The following TP53AIP1 variants were observed in gnomAD, a reference collection of about 807,000 sequenced individuals.
The protein encoded by TP53AIP1 is p53-regulated apoptosis-inducing protein 1.
TP53AIP1 carries 14 observed loss-of-function variants against 9.5 expected under a neutral mutation model. The ratio of observed to expected loss-of-function variants is 1.47; its 90% confidence interval spans 0.97 to 2.30. The LOEUF is 2.30. Among genes scored for constraint, TP53AIP1 ranks in the 30% most tolerant of loss-of-function variants. TP53AIP1 has a pLI of 0.00. For synonymous variants in TP53AIP1, 73 were observed against 61.2 expected, an observed-to-expected ratio of 1.19 and a Z score of -0.90; for missense variants, 153 against 146.7, an observed-to-expected ratio of 1.04 and a Z score of -0.22.
Position 128,937,481 on chromosome 11 carries a change from G to A in TP53AIP1, c.141+197C>T. The A allele has an allele frequency of 3.2e-6, 5 of 1,562,974 alleles. No individual in the cohort carries two copies. The highest frequency in any genetic ancestry group is 4.3e-6 in the Non-Finnish European group (5 of 1,150,676). On this transcript the variant is annotated intron_variant, in intron 2 of 3. Transcript: ENST00000531399. This position sits in a 1 kb window ranked among gnomAD's most constrained non-coding sequence, Gnocchi z 4.8. The stretch of plus-strand genomic sequence containing the variant: ...GGCTGGCCTTCCTCTTGGGACTATT[G>A]ATCAGGGCTGTCAGTTCCCAGCTCT...
Position 128,937,756 on chromosome 11 carries a change from C to T in TP53AIP1, c.63G>A (p.Arg21=), listed in dbSNP as rs749416440. 13 of 1,612,760 alleles carry T rather than the reference C, an allele frequency of 8.1e-6. No homozygotes were observed. The highest frequency in any genetic ancestry group is 1.1e-5 in the Non-Finnish European group (13 of 1,179,128). The change falls in exon 2 of 4, where the codon AGG becomes AGA. Residue 21 remains arginine, a synonymous_variant. Coordinates refer to ENST00000531399, the MANE Select transcript of TP53AIP1 (RefSeq NM_022112.3). The surrounding 1 kb of genome is among the most constrained non-coding windows in gnomAD (Gnocchi z 4.8). ...TCTGGTCTCCCCTGCCCAGGCCCTG[C>T]CTCCTGGCCCCACTGCAGGAAGCTT... ...SAQASCSGAR[R]QGLGRGDQNL... is the part of the protein sequence containing the mutation.
intron 1 of TP53AIP1, among the ~76,000 whole-genome samples, chr11:128,938,310 C>T (rs1343895490): frequency 6.6e-6 from 1 of 152,100 alleles, no homozygotes; most frequent in Admixed American, 6.5e-5. Context: ...CTCAGAGGCC[C>T]GGCCTTCTGT....
intron 1 of TP53AIP1, among the ~76,000 whole-genome samples, chr11:128,941,796 G>A (rs1186740051): frequency 6.6e-6 from 1 of 152,218 alleles, no homozygotes; most frequent in Non-Finnish European, 1.5e-5. Flanking sequence ...CCAGTGGAAA[G>A]CCCACGGCTG....
chr11:128,936,683 G>A, intron 2 of TP53AIP1, 34 bp from the exon 3 acceptor site: 1 of 1,547,922 alleles, frequency 6.5e-7, no homozygotes, highest in Non-Finnish European at 8.7e-7. Flanking sequence ...GTGAGGCCCT[G>A]CAGCGCCGTC....
intron 1 of TP53AIP1, among the ~76,000 whole-genome samples, chr11:128,942,461 A>G (rs1360975222): frequency 6.6e-6 from 1 of 152,214 alleles, no homozygotes; most frequent in Admixed American, 6.5e-5. Flanking sequence ...AGTGTGGCTC[A>G]GGACGCACAG....
At position 128,935,475 on chromosome 11, in the gene TP53AIP1, G is replaced by A. The variant is rs543221142; in HGVS notation, c.*116C>T. Reference sequence around the variant, plus strand: ...GGTCAAGGGGGGAAATGAGGTGGCCGCTAGTCAGCGCTGGAGCCATTTCTC... The same window carrying A: ...GGTCAAGGGGGGAAATGAGGTGGCCACTAGTCAGCGCTGGAGCCATTTCTC... On this transcript the variant is annotated 3_prime_UTR_variant, in exon 4 of 4. Transcript: ENST00000531399. 133 of 1,444,286 alleles carry A rather than the reference G, an allele frequency of 9.2e-5. No homozygotes were observed. In the South Asian group the frequency reaches 9.4e-4, roughly 10 times the overall value. 89.5% of individuals were successfully genotyped at this position (1,444,286 alleles called of 1,614,324 possible).
Position 128,937,685 on chromosome 11 carries a change from GGT to G in TP53AIP1, c.132_133del (p.Pro45TrpfsTer57). 1 of 1,614,200 alleles carries G rather than the reference GGT, an allele frequency of 6.2e-7. No individual in the cohort carries two copies. Among genetic ancestry groups the G allele is most frequent in the Non-Finnish European group, 8.5e-7 (1 of 1,180,040 alleles). ...TTCACTGCAGGGACTTACCCAGCCAGGTGTGTGTGTCTGAGCCCTGCCATTCG... is the reference window on the plus strand; with the variant it reads ...TTCACTGCAGGGACTTACCCAGCCAGGTGTGTGTCTGAGCCCTGCCATTCG... On this transcript the variant is annotated frameshift_variant, in exon 2 of 4. Coordinates refer to ENST00000531399, the MANE Select transcript of TP53AIP1 (RefSeq NM_022112.3). LOFTEE classifies it high-confidence loss of function. The surrounding 1 kb of genome is among the most constrained non-coding windows in gnomAD (Gnocchi z 4.8).
chr11:128,937,967 T>G lies in TP53AIP1; in HGVS notation c.-76-73A>C, dbSNP rs565461039. On this transcript the variant is annotated intron_variant, in intron 1 of 3. Coordinates refer to ENST00000531399, the MANE Select transcript of TP53AIP1 (RefSeq NM_022112.3). The surrounding 1 kb of genome is among the most constrained non-coding windows in gnomAD (Gnocchi z 4.8). ...CTGGGCCAGCAATGATGATTTCTAC[T>G]GTTAGGGTTTCAGTTGTACTTGGAT... The G allele has an allele frequency of 4.5e-6, 4 of 880,606 alleles. No homozygotes were observed. The African/African-American group carries it at 6.8e-5, about 15-fold the overall frequency. 54.5% of individuals were successfully genotyped at this position (880,606 alleles called of 1,614,324 possible).
Position 128,938,000 on chromosome 11 carries a change from G to C in TP53AIP1, c.-76-106C>G, listed in dbSNP as rs1944867188. 1 of 713,050 alleles carries C rather than the reference G, an allele frequency of 1.4e-6. No homozygotes were observed. The allele number at this position is 713,050 out of a possible 1,614,324, so 44.2% of individuals were successfully genotyped here. On this transcript the variant is annotated intron_variant, in intron 1 of 3. Coordinates refer to ENST00000531399, the MANE Select transcript of TP53AIP1 (RefSeq NM_022112.3). The surrounding 1 kb of genome is among the most constrained non-coding windows in gnomAD (Gnocchi z 4.8). ...TTTCAGTTGTACTTGGATCTGGGAG[G>C]GGGAAGCCGATGCACCCAGAGACCC...
Position 128,939,281 on chromosome 11 carries a change from A to G in TP53AIP1, c.-76-1387T>C, listed in dbSNP as rs1212657302. Among the ~76,000 whole-genome samples the G allele has an allele frequency of 6.6e-6, 1 of 152,048 alleles. No homozygotes were observed. The highest frequency in any genetic ancestry group is 6.5e-5 in the Admixed American group (1 of 15,272). ...GAGACCACAGGCCCTGGACTCCCAA[A>G]TCCCAGCAGCAATGCAAAGCCACCC... On this transcript the variant is annotated intron_variant, in intron 1 of 3. Transcript: ENST00000531399. The surrounding 1 kb of genome is among the most constrained non-coding windows in gnomAD (Gnocchi z 4.1).
chr11:128,934,758 G>A (rs931818103), downstream of TP53AIP1: 1 of 451,332 alleles, frequency 2.2e-6, no homozygotes, highest in Non-Finnish European at 4.0e-6. Context: ...TATTTGGAAG[G>A]TGAACCTAGA....
intron 3 of TP53AIP1, chr11:128,936,330 C>T (rs1944822904): frequency 2.2e-6 from 3 of 1,369,394 alleles, no homozygotes; most frequent in Non-Finnish European, 2.8e-6. Context: ...TGTACCGTTA[C>T]CTTTTATTTT....
intron 1 of TP53AIP1, among the ~76,000 whole-genome samples, chr11:128,940,081 T>C (rs958862295): frequency 2.0e-5 from 3 of 152,194 alleles, no homozygotes; most frequent in Non-Finnish European, 4.4e-5. Flanking sequence ...CCTGGGCAGC[T>C]ACCCTCAAAC....
chr11:128,936,846 G>A, intron 2 of TP53AIP1, 197 bp from the exon 3 acceptor site: 1 of 1,407,948 alleles, frequency 7.1e-7, no homozygotes, highest in South Asian at 1.6e-5. Flanking sequence ...CAAGGTCAGT[G>A]GTGCAAAGGA....
intron 1 of TP53AIP1, among the ~76,000 whole-genome samples, chr11:128,942,335 G>T (rs1283206292): frequency 6.6e-6 from 1 of 152,200 alleles, no homozygotes; most frequent in African/African-American, 2.4e-5. Context: ...AGGCCACCAT[G>T]CCGCCGTTCA....
downstream of TP53AIP1, chr11:128,935,004 T>G (rs1944781951): frequency 5.7e-6 from 4 of 702,962 alleles, no homozygotes; most frequent in East Asian, 1.1e-4. Context: ...AATTTCAGGA[T>G]GAGGCAGCTC....
rs1484918129 is a variant in TP53AIP1 at position 128,939,586 on chromosome 11, C to G, written c.-76-1692G>C. Among the ~76,000 whole-genome samples the G allele has an allele frequency of 6.6e-6, 1 of 152,220 alleles. No homozygotes were observed. Among genetic ancestry groups the G allele is most frequent in the African/African-American group, 2.4e-5 (1 of 41,462 alleles). On this transcript the variant is annotated intron_variant, in intron 1 of 3. Transcript: ENST00000531399. This position sits in a 1 kb window ranked among gnomAD's most constrained non-coding sequence, Gnocchi z 4.1. Reference sequence around the variant, plus strand: ...GCCAGCAGCCATGCAGCGGATGCACCTGTAGATGATGCACTGCCTTACTGT... The same window carrying G: ...GCCAGCAGCCATGCAGCGGATGCACGTGTAGATGATGCACTGCCTTACTGT...
At chr11:128,940,867 G>A (rs1420480725) in intron 1 of TP53AIP1, among the ~76,000 whole-genome samples, 1 of 152,222 alleles carries the variant, frequency 6.6e-6, no homozygotes, top group Non-Finnish European at 1.5e-5. Flanking sequence ...GCCCCCGCTA[G>A]TGTCAGCTTC....
Position 128,937,390 on chromosome 11 carries a change from C to T in TP53AIP1, c.141+288G>A. The T allele has an allele frequency of 7.0e-7, 1 of 1,429,948 alleles. No individual in the cohort carries two copies. Among genetic ancestry groups the T allele is most frequent in the Non-Finnish European group, 9.1e-7 (1 of 1,095,324 alleles). The allele number at this position is 1,429,948 out of a possible 1,614,324, so 88.6% of individuals were successfully genotyped here. A position where few individuals can be genotyped will look rare whatever the true frequency, so the allele number is the denominator to read the frequency against. ...GATGCAGCCAGGCACCACCTTCCTT[C>T]CAAAAGCCTTGTTTCTCAGAAAACC... On this transcript the variant is annotated intron_variant, in intron 2 of 3. Coordinates refer to ENST00000531399, the MANE Select transcript of TP53AIP1 (RefSeq NM_022112.3). The surrounding 1 kb of genome is among the most constrained non-coding windows in gnomAD (Gnocchi z 4.8).
Sources: allele counts gnomAD v4.1 joint callset (sites outside exome capture counted in the v4.1 genomes callset), GRCh38; gene constraint gnomAD v4.1.1; non-coding constraint Gnocchi (gnomAD v3.1); transcripts MANE v1.5; gene names NCBI Gene and HGNC (gene_info 2026-07-23, HGNC 2026-07-21).